The following STK3 variants were observed in gnomAD, a reference collection of about 807,000 sequenced individuals.
The protein encoded by STK3 is serine/threonine-protein kinase 3.
In STK3, 41 loss-of-function variants were observed where a neutral mutation model predicts 58.0. The observed-to-expected ratio is 0.71, with a 90% CI of 0.55 to 0.92. The LOEUF (loss-of-function observed/expected upper bound fraction) is 0.92. STK3 is among the 40% of genes least tolerant of loss of function. The pLI, the probability that STK3 is intolerant of heterozygous loss-of-function variation, is 0.00. For missense variants in STK3, 479 were observed against 602.7 expected (o/e 0.79, Z 2.15); for synonymous variants, 170 against 191.0 (o/e 0.89, Z 0.91).
intron 6 of STK3, among the ~76,000 whole-genome samples, chr8:98,612,767 C>A (rs928312488): frequency 1.3e-5 from 2 of 152,196 alleles, no homozygotes; most frequent in African/African-American, 4.8e-5. Context: ...TAGTCCCACT[C>A]TAACCATGTC....
chr8:98,509,358 C>A (rs1824329757), intron 10 of STK3, among the ~76,000 whole-genome samples: 1 of 151,930 alleles, frequency 6.6e-6, no homozygotes, highest in South Asian at 2.1e-4. Context: ...GTAAAATGTA[C>A]AGTGTACTCA....
At chr8:98,826,417 T>C (rs3808389), upstream of STK3, among the ~76,000 whole-genome samples, 2 of 152,344 alleles carry the variant, frequency 1.3e-5, no homozygotes, top group East Asian at 3.9e-4. Flanking sequence ...TACATCTAAT[T>C]ACCGAGAAAA....
intron 3 of STK3, among the ~76,000 whole-genome samples, chr8:98,750,845 A>G (rs763939734): frequency 4.6e-5 from 7 of 152,248 alleles, no homozygotes; most frequent in African/African-American, 1.7e-4. Flanking sequence ...TTGATGCAAA[A>G]GTCGTCAACA....
chr8:98,672,807 G>A (rs902206098), intron 6 of STK3, among the ~76,000 whole-genome samples: 1 of 152,156 alleles, frequency 6.6e-6, no homozygotes, highest in Non-Finnish European at 1.5e-5. Context: ...CTGGAAAACT[G>A]CCAAATTCAG....
chr8:98,686,510 C>T (rs572949787), intron 6 of STK3, among the ~76,000 whole-genome samples: 178 of 152,218 alleles, frequency 1.2e-3, no homozygotes, highest in Middle Eastern at 0.01. Flanking sequence ...GTGTCATTCT[C>T]GTTGCTAAAA....
intron 3 of STK3, among the ~76,000 whole-genome samples, chr8:98,838,209 C>A (rs1236657188): frequency 6.6e-6 from 1 of 152,096 alleles, no homozygotes; most frequent in Non-Finnish European, 1.5e-5. Flanking sequence ...TGCCATTGCC[C>A]TCCAACCTAG....
chr8:98,832,244 GAAAA>G (rs756031604), intron 3 of STK3, among the ~76,000 whole-genome samples: 135 of 125,834 alleles, frequency 1.1e-3, no homozygotes, highest in African/African-American at 3.7e-3. Flanking sequence ...TCCTTTTCGT[GAAAA>G]AAAAAAAATA....
chr8:98,906,989 T>TAAAAAAAAAAAAAAAAAAAAAAAAAAAA (rs3085954), intron 1 of STK3, among the ~76,000 whole-genome samples: 12 of 94,774 alleles, frequency 1.3e-4, no homozygotes, highest in African/African-American at 4.6e-4. Flanking sequence ...TCTCTACCAA[T>TAAAAAAAAAAAAAAAAAAAAAAAAAAAA]AAAAAAAAAA....
chr8:98,746,843 G>A (rs1829673948), intron 4 of STK3, among the ~76,000 whole-genome samples: 1 of 151,890 alleles, frequency 6.6e-6, no homozygotes, highest in Admixed American at 6.6e-5. Flanking sequence ...TTGAAGACCA[G>A]CCTGGGCAAT....
At chr8:98,374,148 G>T (rs183323087) in intron 2 of STK3, among the ~76,000 whole-genome samples, 2 of 152,320 alleles carry the variant, frequency 1.3e-5, no homozygotes, top group East Asian at 1.9e-4. Flanking sequence ...TGAAGGGAAC[G>T]TTTTACAGGT....
At chr8:98,652,577 C>G (rs553718943) in intron 6 of STK3, among the ~76,000 whole-genome samples, 17 of 145,872 alleles carry the variant, frequency 1.2e-4, no homozygotes, top group South Asian at 4.7e-4. Context: ...GTGCTGTATT[C>G]AGGAAACCCA....
At chr8:98,910,003 T>C (rs112822792) in intron 1 of STK3, among the ~76,000 whole-genome samples, 2,245 of 152,318 alleles carry the variant, frequency 0.015, 55 homozygotes, top group African/African-American at 0.051. Context: ...TCCTCACCAA[T>C]ATTCATGGTT....
chr8:98,447,548 C>CTA (rs139329925), intron 1 of STK3, among the ~76,000 whole-genome samples: 135 of 143,490 alleles, frequency 9.4e-4, no homozygotes, highest in African/African-American at 2.8e-3. Flanking sequence ...TGCATATATA[C>CTA]TATATATATA....
intron 10 of STK3, among the ~76,000 whole-genome samples, chr8:98,487,836 G>T (rs1400441502): frequency 6.6e-6 from 1 of 152,142 alleles, no homozygotes; most frequent in Non-Finnish European, 1.5e-5. Context: ...GATGGGCCTG[G>T]ATGTGAATCT....
intron 6 of STK3, among the ~76,000 whole-genome samples, chr8:98,640,443 G>GA (rs1487133183): frequency 6.6e-6 from 1 of 151,952 alleles, no homozygotes; most frequent in Non-Finnish European, 1.5e-5. Context: ...TAATCTAGTG[G>GA]AAAAATGTGA....
intron 8 of STK3, among the ~76,000 whole-genome samples, chr8:98,571,548 A>G (rs1024430218): frequency 2.6e-5 from 4 of 152,202 alleles, no homozygotes; most frequent in Non-Finnish European, 5.9e-5. Context: ...ACATGACATT[A>G]TTCAGACATT....
chr8:98,872,371 G>T (rs1032669807), intron 3 of STK3, among the ~76,000 whole-genome samples: 3 of 152,146 alleles, frequency 2.0e-5, no homozygotes, highest in African/African-American at 7.2e-5. Flanking sequence ...ATGAATTAGG[G>T]AGGATTCACT....
Position 98,602,570 on chromosome 8 carries a change from A to G in STK3, c.685-6401T>C, listed in dbSNP as rs143233321. Among the ~76,000 whole-genome samples the G allele has an allele frequency of 3.2e-4, 49 of 152,350 alleles. No homozygotes were observed. The Middle Eastern group carries it at 0.014, about 42-fold the overall frequency. ...CAGACTATACAATCACTTAAGTTTTATATGTCAACTGCATTAGGCATAGTA... is the reference window on the plus strand; with the variant it reads ...CAGACTATACAATCACTTAAGTTTTGTATGTCAACTGCATTAGGCATAGTA... On this transcript the variant is annotated intron_variant, in intron 6 of 10. Coordinates refer to ENST00000419617, the MANE Select transcript of STK3 (RefSeq NM_006281.4).
rs1287695679 is a variant in STK3, at chr8:98,773,078, T to C, written c.107+1661A>G. Among the ~76,000 whole-genome samples, 3 of 152,216 alleles carry C rather than the reference T, an allele frequency of 2.0e-5. No homozygotes were observed. The South Asian group carries it at 6.2e-4, about 31-fold the overall frequency. On this transcript the variant is annotated intron_variant, in intron 2 of 10. Transcript: ENST00000419617. ...CTGCAAGAATATATATGCATAGTTA[T>C]ATAGACATACAGGTACTTTATATAT...
Sources: gnomAD v4.1 joint callset for allele counts (sites outside exome capture counted in the v4.1 genomes callset) on GRCh38, gnomAD v4.1.1 for gene constraint, MANE v1.5 for transcripts, NCBI Gene and HGNC (gene_info 2026-07-23, HGNC 2026-07-21) for gene names.